Variants in FGF14 observed in about 807,000 individuals in gnomAD.
FGF14 encodes fibroblast growth factor 14.
A neutral mutation model predicts 25.5 loss-of-function variants in FGF14; 5 were observed. That is an observed-to-expected ratio of 0.20 (90% CI 0.10 to 0.41). The LOEUF (loss-of-function observed/expected upper bound fraction) is 0.41. FGF14 is among the 10% of genes least tolerant of loss of function. The pLI is 1.00. For missense variants in FGF14, 222 were observed against 320.1 expected (o/e 0.69, Z 2.34); for synonymous variants, 138 against 118.3 (o/e 1.17, Z -1.08).
At chr13:102,049,394 C>T (rs549525) in intron 1 of FGF14, among the ~76,000 whole-genome samples, 5,320 of 152,198 alleles carry the variant, frequency 0.035, 286 homozygotes, top group African/African-American at 0.12. Context: ...GCCTCACTGT[C>T]ACTGTGAAAC....
At chr13:101,811,036 C>CCCG (rs2041478367) in intron 3 of FGF14, among the ~76,000 whole-genome samples, 1 of 134,032 alleles carries the variant, frequency 7.5e-6, no homozygotes, top group Non-Finnish European at 1.6e-5. Flanking sequence ...ATATCCGCCC[C>CCCG]CCCCGGCCCC....
At chr13:102,398,371 G>T (rs1202091429) in intron 1 of FGF14, among the ~76,000 whole-genome samples, 1 of 152,078 alleles carries the variant, frequency 6.6e-6, no homozygotes, top group African/African-American at 2.4e-5. Flanking sequence ...TTCCACGAAT[G>T]CTTGAACCAC....
At chr13:102,028,696 G>A (rs1414281303) in intron 1 of FGF14, among the ~76,000 whole-genome samples, 5 of 151,554 alleles carry the variant, frequency 3.3e-5, no homozygotes, top group African/African-American at 1.2e-4. Context: ...TTTCATGTCA[G>A]GGAATATGGG....
chr13:102,326,100 T>C (rs1594857190), intron 1 of FGF14, among the ~76,000 whole-genome samples: 1 of 152,208 alleles, frequency 6.6e-6, no homozygotes, highest in South Asian at 2.1e-4. Flanking sequence ...CTATGAGTAT[T>C]GTTCAATTCA....
chr13:102,044,375 C>T (rs902501370), intron 1 of FGF14, among the ~76,000 whole-genome samples: 2 of 151,884 alleles, frequency 1.3e-5, no homozygotes, highest in Non-Finnish European at 2.9e-5. Context: ...AAAAAAACTG[C>T]TTTTATTAAA....
At chr13:102,127,958 C>T (rs1264014364) in intron 1 of FGF14, among the ~76,000 whole-genome samples, 2 of 152,196 alleles carry the variant, frequency 1.3e-5, no homozygotes, top group Non-Finnish European at 1.5e-5. Context: ...CCACTGATCC[C>T]TCCATCCCCA....
intron 1 of FGF14, among the ~76,000 whole-genome samples, chr13:102,343,185 T>C (rs1594900725): frequency 6.6e-6 from 1 of 152,126 alleles, no homozygotes; most frequent in Non-Finnish European, 1.5e-5. Flanking sequence ...GAGGGAAGGG[T>C]AATGACCACG....
intron 1 of FGF14, among the ~76,000 whole-genome samples, chr13:102,080,195 G>A (rs938965382): frequency 6.6e-6 from 1 of 152,160 alleles, no homozygotes; most frequent in African/African-American, 2.4e-5. Context: ...GATTGTAGGA[G>A]GGTAAGGTAG....
chr13:102,189,100 GGA>G (rs745325798), intron 1 of FGF14, among the ~76,000 whole-genome samples: 1 of 147,810 alleles, frequency 6.8e-6, no homozygotes, highest in African/African-American at 2.5e-5. Context: ...GAGAAAGGAG[GGA>G]GAGAGAGATA....
intron 1 of FGF14, among the ~76,000 whole-genome samples, chr13:102,058,960 A>C (rs1424822564): frequency 1.3e-5 from 2 of 151,916 alleles, no homozygotes; most frequent in African/African-American, 4.8e-5. Flanking sequence ...AAAAAAAAAA[A>C]ATAGAGATTT....
chr13:101,772,387 T>C (rs1337804444), intron 3 of FGF14, among the ~76,000 whole-genome samples: 1 of 151,702 alleles, frequency 6.6e-6, no homozygotes, highest in Non-Finnish European at 1.5e-5. Flanking sequence ...TACATAGACA[T>C]GCATTTTAGA....
intron 1 of FGF14, among the ~76,000 whole-genome samples, chr13:102,073,996 T>C (rs2043252674): frequency 6.6e-6 from 1 of 152,166 alleles, no homozygotes; most frequent in Non-Finnish European, 1.5e-5. Context: ...GACAGTTTCA[T>C]AAAAGAAGGA....
intron 1 of FGF14, among the ~76,000 whole-genome samples, chr13:102,135,668 G>C (rs1196131172): frequency 6.6e-6 from 1 of 152,122 alleles, no homozygotes; most frequent in East Asian, 1.9e-4. Flanking sequence ...AATATTGTTT[G>C]TTTTTGGGAC....
chr13:102,006,519 C>G (rs886886449), intron 1 of FGF14, among the ~76,000 whole-genome samples: 1 of 151,348 alleles, frequency 6.6e-6, no homozygotes, highest in African/African-American at 2.5e-5. Flanking sequence ...ACAAATACCA[C>G]AAAATATCAT....
intron 1 of FGF14, among the ~76,000 whole-genome samples, chr13:102,065,570 A>G (rs564623583): frequency 6.6e-6 from 1 of 152,224 alleles, no homozygotes; most frequent in East Asian, 1.9e-4. Context: ...ACCTCATATA[A>G]GCATACATAT....
At chr13:102,164,360 A>G (rs1208611925) in intron 1 of FGF14, among the ~76,000 whole-genome samples, 2 of 152,144 alleles carry the variant, frequency 1.3e-5, no homozygotes, top group African/African-American at 4.8e-5. Context: ...CTTGAATATT[A>G]GACACTGTGT....
intron 3 of FGF14, among the ~76,000 whole-genome samples, chr13:101,772,458 A>T (rs913931563): frequency 1.3e-5 from 2 of 152,102 alleles, no homozygotes; most frequent in African/African-American, 4.8e-5. Context: ...ATGATTAATT[A>T]TGTCTTGGGT....
chr13:102,204,625 C>T (rs145950404), intron 1 of FGF14, among the ~76,000 whole-genome samples: 1,638 of 152,254 alleles, frequency 0.011, 23 homozygotes, highest in African/African-American at 0.037. Context: ...TGGCTCACTG[C>T]AAACTCCACC....
intron 1 of FGF14, among the ~76,000 whole-genome samples, chr13:102,157,395 C>A (rs1174388623): frequency 6.6e-6 from 1 of 152,158 alleles, no homozygotes; most frequent in Non-Finnish European, 1.5e-5. Context: ...CTGACAAAAA[C>A]AAGAAATGGG....
Sources: allele counts gnomAD v4.1 joint callset (sites outside exome capture counted in the v4.1 genomes callset), GRCh38; gene constraint gnomAD v4.1.1; transcripts MANE v1.5; gene names NCBI Gene and HGNC (gene_info 2026-07-23, HGNC 2026-07-21).